Variants in TMEM127 observed in about 807,000 individuals in gnomAD.
TMEM127 encodes the protein transmembrane protein 127.
A neutral mutation model predicts 20.1 loss-of-function variants in TMEM127; 21 were observed. That is an observed-to-expected ratio of 1.04 (90% CI 0.74 to 1.50). TMEM127 has a LOEUF of 1.50. Ranked by LOEUF, TMEM127 falls within the 40% of genes most tolerant of loss-of-function variation. The pLI, the probability that TMEM127 is intolerant of heterozygous loss-of-function variation, is 0.00. For synonymous variants in TMEM127, 150 were observed against 144.7 expected (o/e 1.04, Z -0.26); for missense variants, 303 against 317.4 (o/e 0.95, Z 0.34).
At chr2:96,256,116 C>T (rs1224530762) in intron 2 of TMEM127, among the ~76,000 whole-genome samples, 4 of 151,488 alleles carry the variant, frequency 2.6e-5, no homozygotes, top group Non-Finnish European at 4.4e-5. Flanking sequence ...ACCAAAAATA[C>T]AAAAATTAGC....
chr2:96,260,627 G>A (rs1237523058), intron 2 of TMEM127: 2 of 152,266 alleles, frequency 1.3e-5, no homozygotes, highest in Admixed American at 1.3e-4. Flanking sequence ...TGAGTCACCA[G>A]GCTAGATTTG....
intron 2 of TMEM127, among the ~76,000 whole-genome samples, chr2:96,261,561 G>A (rs920293518): frequency 6.6e-6 from 1 of 152,220 alleles, no homozygotes; most frequent in African/African-American, 2.4e-5. Flanking sequence ...TCAACACTGA[G>A]GCGATGAAGT....
intron 2 of TMEM127, among the ~76,000 whole-genome samples, chr2:96,256,789 ATTCTT>A (rs1312177555): frequency 6.6e-6 from 1 of 152,142 alleles, no homozygotes; most frequent in Non-Finnish European, 1.5e-5. Context: ...GAACAAAAGA[ATTCTT>A]TTAAAAGGCA....
intron 2 of TMEM127, among the ~76,000 whole-genome samples, chr2:96,264,378 G>A (rs139868668): frequency 2.6e-3 from 390 of 152,330 alleles, no homozygotes; most frequent in Non-Finnish European, 4.7e-3. Flanking sequence ...AGACCTTGGG[G>A]TTGATGAACT....
intron 2 of TMEM127, 71 bp downstream of exon 2, chr2:96,265,067 T>A: frequency 6.3e-7 from 1 of 1,596,684 alleles, no homozygotes. Context: ...GGTCCCTGGC[T>A]ATCTCTGCTT....
rs1017159622 is a variant in TMEM127 at position 96,251,627 on chromosome 2, G to C, written c.*2181C>G. 4.3e-6 allele frequency: 1 copy of C among 233,030 alleles called. No individual in the cohort carries two copies. Among genetic ancestry groups the C allele is most frequent in the Admixed American group, 5.6e-5 (1 of 17,746 alleles). 14.4% of individuals were successfully genotyped at this position (233,030 alleles called of 1,614,324 possible). ...GGAAAATCGTGACAGAAAAATGACA[G>C]GCAGCCATTGTCATTTCCATTCTTA... On this transcript the variant is annotated 3_prime_UTR_variant, in exon 4 of 4. Transcript: ENST00000258439.
Position 96,253,767 on chromosome 2 carries a change from T to C in TMEM127, c.*41A>G. 1 of 1,578,988 alleles carries C rather than the reference T, an allele frequency of 6.3e-7. No homozygotes were observed. Among genetic ancestry groups the C allele is most frequent in the South Asian group, 1.2e-5 (1 of 86,122 alleles). The stretch of plus-strand genomic sequence containing the variant: ...TCTGGGTGCGAGAGGAGCTGCAGAG[T>C]TGAGGGAGGGGCTGCCGAGGAAGAG... On this transcript the variant is annotated 3_prime_UTR_variant, in exon 4 of 4. Transcript: ENST00000258439. This position sits in a 1 kb window ranked among gnomAD's most constrained non-coding sequence, Gnocchi z 4.3.
chr2:96,265,747 T>G, intron 1 of TMEM127, 122 bp downstream of exon 1: 2 of 223,832 alleles, frequency 8.9e-6, no homozygotes, highest in Non-Finnish European at 8.7e-6. Flanking sequence ...AGCCAGAGGA[T>G]GCCGAGGGGC....
rs1367188440 is a variant in TMEM127 at position 96,249,075 on chromosome 2, CTGTGTGTGTGTGTGTGGTGTG to C, written c.*4712_*4732del. 2.2e-5 allele frequency: 5 copies of C among 223,178 alleles called. No homozygotes were observed. Among genetic ancestry groups the C allele is most frequent in the East Asian group, 6.4e-5 (1 of 15,596 alleles). 13.8% of individuals were successfully genotyped at this position (223,178 alleles called of 1,614,324 possible). A position where few individuals can be genotyped will look rare whatever the true frequency, so the allele number is the denominator to read the frequency against. On this transcript the variant is annotated 3_prime_UTR_variant, in exon 4 of 4. Coordinates refer to ENST00000258439, the MANE Select transcript of TMEM127 (RefSeq NM_017849.4). ...TTCCCCAAAGCTTATGGTGAGGAAC[CTGTGTGTGTGTGTGTGGTGTG>C]TGTGTGTGTGTGTGTGTGTGTTTGA...
intron 2 of TMEM127, among the ~76,000 whole-genome samples, chr2:96,262,184 G>A (rs546526139): frequency 1.9e-4 from 29 of 152,092 alleles, no homozygotes; most frequent in Non-Finnish European, 2.9e-4. Context: ...GCTTGAACCC[G>A]GGAGGCGGAG....
At chr2:96,263,676 A>T (rs1684356651) in intron 2 of TMEM127, among the ~76,000 whole-genome samples, 1 of 152,180 alleles carries the variant, frequency 6.6e-6, no homozygotes, top group Non-Finnish European at 1.5e-5. Context: ...GCATCAACAG[A>T]GGTGGGGTAG....
At position 96,250,399 on chromosome 2, in the gene TMEM127, C is replaced by T; in HGVS notation, c.*3409G>A. On this transcript the variant is annotated 3_prime_UTR_variant, in exon 4 of 4. Transcript: ENST00000258439. ...AGGTCAGAACTGGCTCCCTTCTGGGCACAGGACTTTTCCGAGCCGGCCGCC... is the reference window on the plus strand; with the variant it reads ...AGGTCAGAACTGGCTCCCTTCTGGGTACAGGACTTTTCCGAGCCGGCCGCC... 1 of 232,848 alleles carries T rather than the reference C, an allele frequency of 4.3e-6. No homozygotes were observed. The highest frequency in any genetic ancestry group is 8.5e-6 in the Non-Finnish European group (1 of 117,808). 14.4% of individuals were successfully genotyped at this position (232,848 alleles called of 1,614,324 possible). A position where few individuals can be genotyped will look rare whatever the true frequency, so the allele number is the denominator to read the frequency against.
rs1209593933 is a variant in TMEM127, at chr2:96,249,201, G to C, written c.*4607C>G. Reference sequence around the variant, plus strand: ...CAACCTCTGCCTCCCGGGTTCAAGTGATTCTCCTGCCTCAGCCTCCCGAGT... The same window carrying C: ...CAACCTCTGCCTCCCGGGTTCAAGTCATTCTCCTGCCTCAGCCTCCCGAGT... On this transcript the variant is annotated 3_prime_UTR_variant, in exon 4 of 4. Coordinates refer to ENST00000258439, the MANE Select transcript of TMEM127 (RefSeq NM_017849.4). 1 of 210,514 alleles carries C rather than the reference G, an allele frequency of 4.8e-6. No individual in the cohort carries two copies. Among genetic ancestry groups the C allele is most frequent in the Non-Finnish European group, 9.6e-6 (1 of 103,816 alleles). The allele number at this position is 210,514 out of a possible 1,614,324, so 13.0% of individuals were successfully genotyped here. A position where few individuals can be genotyped will look rare whatever the true frequency, so the allele number is the denominator to read the frequency against.
In TMEM127 at chr2:96,251,246, G is replaced by T. The variant is rs529257114; in HGVS notation, c.*2562C>A. On this transcript the variant is annotated 3_prime_UTR_variant, in exon 4 of 4. Transcript: ENST00000258439. ...TTAAATTACATCTTTGGCCAGGCAC[G>T]GTGGTTCATGCCTATAATCCCAGCA... 1.4e-5 allele frequency: 3 copies of T among 209,156 alleles called. No homozygotes were observed. Among genetic ancestry groups the T allele is most frequent in the South Asian group, 3.8e-4 (2 of 5,302 alleles). 13.0% of individuals were successfully genotyped at this position (209,156 alleles called of 1,614,324 possible).
At position 96,251,907 on chromosome 2, in the gene TMEM127, T is replaced by G. The variant is rs559334457; in HGVS notation, c.*1901A>C. 8.6e-6 allele frequency: 2 copies of G among 233,406 alleles called. No homozygotes were observed. The highest frequency in any genetic ancestry group is 3.6e-4 in the South Asian group (2 of 5,528). 14.5% of individuals were successfully genotyped at this position (233,406 alleles called of 1,614,324 possible). A position where few individuals can be genotyped will look rare whatever the true frequency, so the allele number is the denominator to read the frequency against. On this transcript the variant is annotated 3_prime_UTR_variant, in exon 4 of 4. Coordinates refer to ENST00000258439, the MANE Select transcript of TMEM127 (RefSeq NM_017849.4). ...GGCATGCAGGTCCAGTGCCTGGTCT[T>G]CTGGTCTGCCTGCTCAGACACCCAA...
chr2:96,250,599 TAAC>T lies in TMEM127; in HGVS notation c.*3206_*3208del, dbSNP rs141956691. The stretch of plus-strand genomic sequence containing the variant: ...TTCCAAGAAAGATGTGTATTCTCCC[TAAC>T]AACAACAAAAGAGACCTAAATGGGC... On this transcript the variant is annotated 3_prime_UTR_variant, in exon 4 of 4. Coordinates refer to ENST00000258439, the MANE Select transcript of TMEM127 (RefSeq NM_017849.4). 483 of 233,074 alleles carry T rather than the reference TAAC, an allele frequency of 2.1e-3. 10 individuals carry two copies. The East Asian group carries it at 0.026, about 13-fold the overall frequency. The allele number at this position is 233,074 out of a possible 1,614,324, so 14.4% of individuals were successfully genotyped here.
At chr2:96,263,306 G>A (rs141600622) in intron 2 of TMEM127, among the ~76,000 whole-genome samples, 5,108 of 150,760 alleles carry the variant, frequency 0.034, 139 homozygotes, top group Non-Finnish European at 0.051. Context: ...CAATCCACCC[G>A]CCTCGGCCTC....
At chr2:96,264,334 C>A (rs1466761916) in intron 2 of TMEM127, among the ~76,000 whole-genome samples, 5 of 152,198 alleles carry the variant, frequency 3.3e-5, no homozygotes, top group Admixed American at 6.5e-5. Flanking sequence ...CAGGATAGCA[C>A]AGAGAGGATA....
At chr2:96,256,320 C>A (rs1232466885) in intron 2 of TMEM127, among the ~76,000 whole-genome samples, 1 of 150,638 alleles carries the variant, frequency 6.6e-6, no homozygotes, top group East Asian at 2.0e-4. Context: ...CACCTGTAAT[C>A]CCACACTTTG....
Sources: allele counts gnomAD v4.1 joint callset (sites outside exome capture counted in the v4.1 genomes callset), GRCh38; gene constraint gnomAD v4.1.1; non-coding constraint Gnocchi (gnomAD v3.1); transcripts MANE v1.5; gene names NCBI Gene and HGNC (gene_info 2026-07-23, HGNC 2026-07-21).